Variants in SYT9 observed in about 807,000 individuals in gnomAD.
SYT9 encodes the protein synaptotagmin 9.
Under a neutral mutation model 48.4 loss-of-function variants are expected in SYT9, and 22 were observed. The ratio of observed to expected loss-of-function variants is 0.45; its 90% CI spans 0.32 to 0.65. The LOEUF is 0.65. Ranked by LOEUF, SYT9 falls within the 30% of genes least tolerant of loss-of-function variation. The pLI is 0.03. For missense variants in SYT9, 577 were observed against 622.0 expected, an observed-to-expected ratio of 0.93 and a Z score of 0.77; for synonymous variants, 265 against 245.0, an observed-to-expected ratio of 1.08 and a Z score of -0.76.
At chr11:7,243,019 C>G (rs1469598173) in intron 1 of SYT9, among the ~76,000 whole-genome samples, 5 of 148,968 alleles carry the variant, frequency 3.4e-5, no homozygotes. Context: ...GCACTCCAAC[C>G]TGGGTGATGA....
chr11:7,459,606 T>C (rs1042191258), intron 6 of SYT9, among the ~76,000 whole-genome samples: 1 of 152,204 alleles, frequency 6.6e-6, no homozygotes, highest in African/African-American at 2.4e-5. Flanking sequence ...GTTTGAATAG[T>C]GTCCTCCCAA....
intron 3 of SYT9, among the ~76,000 whole-genome samples, chr11:7,390,970 A>G (rs2134060309): frequency 6.6e-6 from 1 of 151,944 alleles, no homozygotes; most frequent in Admixed American, 6.6e-5. Flanking sequence ...CGGCCCTTGC[A>G]CCCCTCCCTT....
chr11:7,242,232 T>A (rs1847748137), intron 1 of SYT9, among the ~76,000 whole-genome samples: 1 of 152,240 alleles, frequency 6.6e-6, no homozygotes, highest in Non-Finnish European at 1.5e-5. Context: ...TAGATCTGAC[T>A]GCAGAGTTGG....
At chr11:7,441,197 G>T (rs532444211) in intron 6 of SYT9, 3 of 152,316 alleles carry the variant, frequency 2.0e-5, no homozygotes, top group Admixed American at 2.0e-4. Flanking sequence ...TGTACCTAAC[G>T]TTGAAAGCTC....
chr11:7,428,720 T>C (rs945955590), intron 6 of SYT9, among the ~76,000 whole-genome samples: 8 of 152,314 alleles, frequency 5.3e-5, no homozygotes, highest in Non-Finnish European at 1.0e-4. Context: ...CAGAGTCTCA[T>C]TTGTTGAGAC....
chr11:7,393,994 G>T (rs1253012949), intron 3 of SYT9, among the ~76,000 whole-genome samples: 1 of 148,854 alleles, frequency 6.7e-6, no homozygotes, highest in Non-Finnish European at 1.5e-5. Flanking sequence ...AAGTTTTAGG[G>T]TACATGTGCA....
chr11:7,386,496 C>A (rs1313573558), intron 3 of SYT9, among the ~76,000 whole-genome samples: 2 of 151,530 alleles, frequency 1.3e-5, no homozygotes, highest in Non-Finnish European at 2.9e-5. Flanking sequence ...AGGATATGAA[C>A]AGACACTTCT....
At chr11:7,425,712 C>G (rs1229254302) in intron 6 of SYT9, among the ~76,000 whole-genome samples, 1 of 152,174 alleles carries the variant, frequency 6.6e-6, no homozygotes, top group Non-Finnish European at 1.5e-5. Flanking sequence ...ATGCATTGCC[C>G]TCTGAAGGAG....
At chr11:7,251,348 A>G (rs764037499), upstream of SYT9, among the ~76,000 whole-genome samples, 3 of 152,108 alleles carry the variant, frequency 2.0e-5, no homozygotes, top group Non-Finnish European at 2.9e-5. Flanking sequence ...GGTCTTTCCC[A>G]GGAATCGTTT....
intron 3 of SYT9, among the ~76,000 whole-genome samples, chr11:7,401,290 A>G (rs1479800491): frequency 6.6e-6 from 1 of 151,098 alleles, no homozygotes; most frequent in Non-Finnish European, 1.5e-5. Flanking sequence ...TGTCCCCAAG[A>G]CATTTCATTA....
intron 6 of SYT9, among the ~76,000 whole-genome samples, chr11:7,459,213 A>T (rs112968026): frequency 2.7e-3 from 405 of 152,354 alleles, no homozygotes; most frequent in African/African-American, 9.3e-3. Context: ...GATGATCAGG[A>T]GTTAGACCTA....
At chr11:7,296,285 G>A (rs1329155541) in intron 1 of SYT9, among the ~76,000 whole-genome samples, 2 of 152,166 alleles carry the variant, frequency 1.3e-5, no homozygotes, top group Non-Finnish European at 2.9e-5. Context: ...TATAACCTGT[G>A]TTTACAGCTA....
chr11:7,453,914 G>T (rs746978946), intron 6 of SYT9: 4 of 855,952 alleles, frequency 4.7e-6, no homozygotes, highest in Non-Finnish European at 5.6e-6. Context: ...TCAGATCTCA[G>T]TCGCCCTCCT....
At chr11:7,257,364 C>A (rs1466590328) in intron 1 of SYT9, among the ~76,000 whole-genome samples, 1 of 151,980 alleles carries the variant, frequency 6.6e-6, no homozygotes, top group Non-Finnish European at 1.5e-5. Flanking sequence ...TCTATTATGT[C>A]CACCAATCTG....
At chr11:7,379,335 G>T (rs66714249) in intron 3 of SYT9, among the ~76,000 whole-genome samples, 8,333 of 152,132 alleles carry the variant, frequency 0.055, 611 homozygotes, top group African/African-American at 0.17. Context: ...GTGCACCAAG[G>T]ATTGAAAGGC....
chr11:7,336,591 T>G (rs1310493199), intron 3 of SYT9, among the ~76,000 whole-genome samples: 1 of 152,202 alleles, frequency 6.6e-6, no homozygotes, highest in Non-Finnish European at 1.5e-5. Flanking sequence ...ATTTATTGAA[T>G]AGGCAGTCTT....
At chr11:7,365,007 C>T (rs374574990) in intron 3 of SYT9, among the ~76,000 whole-genome samples, 220 of 152,164 alleles carry the variant, frequency 1.4e-3, no homozygotes, top group African/African-American at 5.1e-3. Context: ...CAATTTGTGC[C>T]CTGATGTGTC....
chr11:7,277,545 A>G (rs1310705693), intron 1 of SYT9, among the ~76,000 whole-genome samples: 1 of 152,214 alleles, frequency 6.6e-6, no homozygotes, highest in Non-Finnish European at 1.5e-5. Context: ...AATTTGAAGC[A>G]TTTTCTCAAA....
At chr11:7,412,905 G>A (rs945731022) in intron 3 of SYT9, among the ~76,000 whole-genome samples, 1 of 152,218 alleles carries the variant, frequency 6.6e-6, no homozygotes, top group African/African-American at 2.4e-5. Flanking sequence ...GAGTGCACAT[G>A]TGCCAACAGT....
Sources: allele counts gnomAD v4.1 joint callset (sites outside exome capture counted in the v4.1 genomes callset), GRCh38; gene constraint gnomAD v4.1.1; transcripts MANE v1.5; gene names NCBI Gene and HGNC (gene_info 2026-07-23, HGNC 2026-07-21).